The following NAV3 variants were observed in gnomAD, a reference collection of about 807,000 sequenced individuals.
NAV3 encodes neuron navigator 3, also known as pore membrane and/or filament interacting like protein 1.
Under a neutral mutation model 244.7 loss-of-function variants are expected in NAV3, and 87 were observed. That is an observed-to-expected ratio of 0.36 (90% CI 0.30 to 0.42). NAV3 has a LOEUF of 0.42. Among genes scored for constraint, NAV3 ranks in the 20% least tolerant of loss-of-function variants. The probability of loss-of-function intolerance (pLI) is 1.00; values close to 1 mark genes in which losing one functional copy is unlikely to be tolerated. For synonymous variants in NAV3, 1,126 were observed against 1,042.2 expected (o/e 1.08, Z -1.55); for missense variants, 2,663 against 2,893.3 (o/e 0.92, Z 1.83).
intron 2 of NAV3, among the ~76,000 whole-genome samples, chr12:77,766,814 C>T (rs1043243208): frequency 7.6e-5 from 10 of 132,318 alleles, no homozygotes; most frequent in African/African-American, 2.6e-4. Flanking sequence ...AGTATAGTGG[C>T]GTGATCTCGG....
At chr12:77,863,764 G>A (rs1879607634) in intron 1 of NAV3, among the ~76,000 whole-genome samples, 2 of 151,726 alleles carry the variant, frequency 1.3e-5, no homozygotes, top group African/African-American at 2.4e-5. Context: ...AAAGAGGCTT[G>A]TTTTAAGGCT....
intron 2 of NAV3, among the ~76,000 whole-genome samples, chr12:77,825,865 C>T (rs1872966454): frequency 6.6e-6 from 1 of 151,936 alleles, no homozygotes; most frequent in Non-Finnish European, 1.5e-5. Context: ...AAAAAGTGGG[C>T]AAGAGTTTTT....
intron 36 of NAV3, chr12:78,199,062 A>G (rs771041129): frequency 6.9e-6 from 4 of 579,078 alleles, no homozygotes; most frequent in South Asian, 4.7e-5. Context: ...TGATTCTCCT[A>G]CAGAAGAGTG....
At chr12:77,895,642 TA>T (rs1243098323) in intron 1 of NAV3, among the ~76,000 whole-genome samples, 1 of 151,980 alleles carries the variant, frequency 6.6e-6, no homozygotes, top group African/African-American at 2.4e-5. Flanking sequence ...CTTAAATATT[TA>T]AAAGTATCTG....
At chr12:78,105,065 A>C (rs1224654611) in intron 12 of NAV3, among the ~76,000 whole-genome samples, 1 of 152,166 alleles carries the variant, frequency 6.6e-6, no homozygotes, top group African/African-American at 2.4e-5. Flanking sequence ...AAAATATTTG[A>C]TACATATTGC....
At chr12:78,021,566 G>T (rs770478131) in intron 8 of NAV3, among the ~76,000 whole-genome samples, 181 bp from the exon 9 acceptor site, 3 of 152,100 alleles carry the variant, frequency 2.0e-5, no homozygotes, top group Non-Finnish European at 4.4e-5. Context: ...CTCCCACTTA[G>T]GTTGTGTATG....
intron 2 of NAV3, among the ~76,000 whole-genome samples, chr12:77,781,813 G>A (rs963775997): frequency 6.6e-6 from 1 of 152,130 alleles, no homozygotes; most frequent in Non-Finnish European, 1.5e-5. Flanking sequence ...TGAATTCATG[G>A]CATCTGCTTC....
chr12:77,784,866 A>C (rs1870832023), intron 2 of NAV3, among the ~76,000 whole-genome samples: 1 of 152,192 alleles, frequency 6.6e-6, no homozygotes, highest in Non-Finnish European at 1.5e-5. Flanking sequence ...AGTCAGTAGT[A>C]GAACTCAGTC....
intron 2 of NAV3, among the ~76,000 whole-genome samples, chr12:77,808,440 CTG>C (rs1872098673): frequency 6.6e-6 from 1 of 152,182 alleles, no homozygotes; most frequent in Non-Finnish European, 1.5e-5. Flanking sequence ...CCTCTGCTGC[CTG>C]TCTGCTGTAG....
At chr12:78,203,365 G>A (rs923391606) in intron 38 of NAV3, among the ~76,000 whole-genome samples, 1 of 152,070 alleles carries the variant, frequency 6.6e-6, no homozygotes, top group East Asian at 1.9e-4. Context: ...ATTGGTTTAA[G>A]TTGTGTAGCA....
intron 11 of NAV3, among the ~76,000 whole-genome samples, chr12:78,053,601 G>A (rs1187708449): frequency 1.3e-5 from 2 of 152,186 alleles, no homozygotes; most frequent in East Asian, 1.9e-4. Context: ...AAGACTGCTT[G>A]CAATTAGGAA....
At chr12:78,163,544 G>T (rs568186345) in intron 23 of NAV3, among the ~76,000 whole-genome samples, 3 of 151,656 alleles carry the variant, frequency 2.0e-5, no homozygotes, top group African/African-American at 7.3e-5. Flanking sequence ...CTCCAGCCTG[G>T]GTGACAGAGA....
chr12:77,690,226 T>C (rs1874941331), intron 2 of NAV3, among the ~76,000 whole-genome samples: 1 of 151,866 alleles, frequency 6.6e-6, no homozygotes, highest in Non-Finnish European at 1.5e-5. Flanking sequence ...CTGATGCATA[T>C]GGTTCCTACA....
At chr12:77,859,757 G>GAAAAAA (rs1491555214) in intron 1 of NAV3, among the ~76,000 whole-genome samples, 4 of 8,134 alleles carry the variant, frequency 4.9e-4, no homozygotes, top group Non-Finnish European at 8.8e-4. Flanking sequence ...GCTTTCAAAT[G>GAAAAAA]CAAAAAAAAA....
chr12:78,012,423 T>A (rs552363507), intron 8 of NAV3, among the ~76,000 whole-genome samples: 1 of 152,118 alleles, frequency 6.6e-6, no homozygotes, highest in Admixed American at 6.6e-5. Flanking sequence ...ATCTATTAGG[T>A]TTCCATTACA....
chr12:77,598,565 C>T (rs962971045), intron 2 of NAV3, among the ~76,000 whole-genome samples: 3 of 151,846 alleles, frequency 2.0e-5, no homozygotes, highest in Admixed American at 1.3e-4. Context: ...TATTTGTTTT[C>T]ACCTGGCTTT....
rs145623732 is a variant in NAV3 at position 78,190,099 on chromosome 12, G to A, written c.6171G>A (p.Pro2057=). ...MEHHRIILSG[P]SGTGKTYLAN... ...ATCACAGAATTATACTCTCAGGACC[G>A]AGTGGTACTGGAAAGACCTATTTGG... Residue 2057 remains proline (P), a synonymous_variant, in exon 34 of 40, where the codon CCG becomes CCA. Coordinates refer to ENST00000397909, the MANE Select transcript of NAV3 (RefSeq NM_001024383.2). 30 of 1,612,878 alleles carry A rather than the reference G, an allele frequency of 1.9e-5. 1 individual carries two copies. The highest frequency in any genetic ancestry group is 5.3e-5 in the African/African-American group (4 of 74,952).
chr12:77,577,428 T>G (rs1869144286), intron 2 of NAV3, among the ~76,000 whole-genome samples: 3 of 152,244 alleles, frequency 2.0e-5, no homozygotes, highest in Non-Finnish European at 2.9e-5. Flanking sequence ...GCAGCACACA[T>G]TTTTGAAGTA....
intron 2 of NAV3, among the ~76,000 whole-genome samples, chr12:77,749,464 T>C (rs1868728990): frequency 6.6e-6 from 1 of 152,168 alleles, no homozygotes; most frequent in Non-Finnish European, 1.5e-5. Flanking sequence ...GGAAAGGCCA[T>C]ACACAAAGTT....
Sources: gnomAD v4.1 joint callset for allele counts (sites outside exome capture counted in the v4.1 genomes callset) on GRCh38, gnomAD v4.1.1 for gene constraint, MANE v1.5 for transcripts, NCBI Gene and HGNC (gene_info 2026-07-23, HGNC 2026-07-21) for gene names.